ARHGEF38: variants seen among roughly 807,000 people sequenced by gnomAD.
ARHGEF38 encodes Rho guanine nucleotide exchange factor (GEF) 38.
Under a neutral mutation model 79.9 loss-of-function variants are expected in ARHGEF38, and 79 were observed. The observed-to-expected ratio is 0.99, with a 90% CI of 0.82 to 1.19. The LOEUF (loss-of-function observed/expected upper bound fraction) is 1.19. Among genes scored for constraint, ARHGEF38 ranks in the 50% most tolerant of loss-of-function variants. The pLI, the probability that ARHGEF38 is intolerant of heterozygous loss-of-function variation, is 0.00. For synonymous variants in ARHGEF38, 366 were observed against 328.3 expected (o/e 1.11, Z -1.24); for missense variants, 962 against 907.2 (o/e 1.06, Z -0.78).
chr4:105,569,635 G>A (rs1726118228), intron 1 of ARHGEF38, among the ~76,000 whole-genome samples: 1 of 152,160 alleles, frequency 6.6e-6, no homozygotes, highest in Non-Finnish European at 1.5e-5. Flanking sequence ...TCCTAGCAGT[G>A]AGCAGTGGTT....
intron 4 of ARHGEF38, among the ~76,000 whole-genome samples, chr4:105,634,018 G>A (rs1399232174): frequency 1.3e-5 from 2 of 152,106 alleles, no homozygotes; most frequent in South Asian, 2.1e-4. Context: ...CTTTCATAAC[G>A]TGAGGGCAGT....
At chr4:105,660,454 G>T (rs28602238) in intron 10 of ARHGEF38, among the ~76,000 whole-genome samples, 1,534 of 150,292 alleles carry the variant, frequency 0.01, 32 homozygotes, top group African/African-American at 0.035. Flanking sequence ...TTTTTGGTGG[G>T]GGGGGATGGA....
At chr4:105,670,145 C>A (rs916025541) in intron 13 of ARHGEF38, among the ~76,000 whole-genome samples, 6 of 151,976 alleles carry the variant, frequency 3.9e-5, no homozygotes, top group Admixed American at 2.6e-4. Flanking sequence ...GAGTAGATAC[C>A]CAGAAGTGTA....
intron 5 of ARHGEF38, among the ~76,000 whole-genome samples, chr4:105,641,938 A>G (rs1301959651): frequency 6.6e-6 from 1 of 152,170 alleles, no homozygotes; most frequent in African/African-American, 2.4e-5. Context: ...TTGCCAAAGT[A>G]TTTATGATAA....
At chr4:105,666,784 ATTTAC>A (rs1339235036) in intron 11 of ARHGEF38, among the ~76,000 whole-genome samples, 2 of 152,160 alleles carry the variant, frequency 1.3e-5, no homozygotes, top group Non-Finnish European at 2.9e-5. Flanking sequence ...TACATGTACA[ATTTAC>A]TTAGCTGAAT....
chr4:105,569,584 G>A (rs1726115206), intron 1 of ARHGEF38, among the ~76,000 whole-genome samples: 1 of 152,162 alleles, frequency 6.6e-6, no homozygotes, highest in African/African-American at 2.4e-5. Context: ...GTCAGACATT[G>A]AATTAAGCAA....
rs1022906106 is a variant in ARHGEF38 at position 105,679,351 on chromosome 4, T to G, written c.*1414T>G. The stretch of plus-strand genomic sequence containing the variant: ...GGAGGAATATCAAAGCAAACACCCA[T>G]ATTTCCTTTCAGGAGGCACACTCTG... On this transcript the variant is annotated 3_prime_UTR_variant, in exon 14 of 14. Coordinates refer to ENST00000420470, the MANE Select transcript of ARHGEF38 (RefSeq NM_001242729.2). 3.6e-5 allele frequency: 38 copies of G among 1,058,790 alleles called. No homozygotes were observed. Among genetic ancestry groups the G allele is most frequent in the Non-Finnish European group, 5.1e-5 (35 of 682,490 alleles). The allele number at this position is 1,058,790 out of a possible 1,614,324, so 65.6% of individuals were successfully genotyped here.
At chr4:105,655,769 T>C in intron 9 of ARHGEF38, 47 bp downstream of exon 9, 1 of 1,502,510 alleles carries the variant, frequency 6.7e-7, no homozygotes. Flanking sequence ...ATAGTGAGGT[T>C]GAAAGGAAAG....
chr4:105,606,315 G>A (rs1456946393), intron 2 of ARHGEF38, among the ~76,000 whole-genome samples: 2 of 152,116 alleles, frequency 1.3e-5, no homozygotes, highest in East Asian at 3.9e-4. Context: ...ACCCTTGAAA[G>A]CAGTGCTGTT....
At position 105,663,484 on chromosome 4, in the gene ARHGEF38, T is replaced by TG. The variant is rs200808815; in HGVS notation, c.1546-2692dup. Among the ~76,000 whole-genome samples the TG allele has an allele frequency of 2.2e-3, 330 of 152,286 alleles. 2 individuals carry two copies. Among genetic ancestry groups the TG allele is most frequent in the African/African-American group, 7.4e-3 (308 of 41,566 alleles). On this transcript the variant is annotated intron_variant, in intron 10 of 13. Transcript: ENST00000420470. The stretch of plus-strand genomic sequence containing the variant: ...CCCATACTCCCCTCCCCCAAGTCCC[T>TG]GCAACCATCATTCTATTTTCTGTTT...
At chr4:105,612,727 T>C (rs1217939698) in intron 2 of ARHGEF38, among the ~76,000 whole-genome samples, 1 of 152,168 alleles carries the variant, frequency 6.6e-6, no homozygotes, top group Non-Finnish European at 1.5e-5. Flanking sequence ...TAATTCTTGG[T>C]ACATAGAAGC....
At chr4:105,559,499 C>T (rs1304620353) in intron 1 of ARHGEF38, among the ~76,000 whole-genome samples, 1 of 152,022 alleles carries the variant, frequency 6.6e-6, no homozygotes, top group Non-Finnish European at 1.5e-5. Flanking sequence ...ATTCAAGCCT[C>T]AAGATTAGGT....
downstream of ARHGEF38, among the ~76,000 whole-genome samples, chr4:105,681,290 A>G (rs1731302699): frequency 7.4e-6 from 1 of 134,614 alleles, no homozygotes; most frequent in African/African-American, 2.5e-5. Flanking sequence ...TCTTTCCTTA[A>G]AAAAAAAAAG....
chr4:105,607,337 A>G (rs1223425077), intron 2 of ARHGEF38, among the ~76,000 whole-genome samples: 1 of 152,134 alleles, frequency 6.6e-6, no homozygotes, highest in Non-Finnish European at 1.5e-5. Context: ...TGATCTTTGC[A>G]TGCTTATTAT....
At chr4:105,644,162 C>T (rs1316681874) in intron 5 of ARHGEF38, among the ~76,000 whole-genome samples, 1 of 152,158 alleles carries the variant, frequency 6.6e-6, no homozygotes, top group African/African-American at 2.4e-5. Context: ...ACCACTGTGC[C>T]TGGCCCCCGA....
At chr4:105,598,146 A>G (rs367806400) in intron 2 of ARHGEF38, among the ~76,000 whole-genome samples, 4 of 152,150 alleles carry the variant, frequency 2.6e-5, no homozygotes, top group African/African-American at 7.2e-5. Context: ...TTCTCACGCT[A>G]TGCTTGAAAC....
chr4:105,560,330 G>A (rs573576195), intron 1 of ARHGEF38, among the ~76,000 whole-genome samples: 2 of 152,176 alleles, frequency 1.3e-5, no homozygotes, highest in South Asian at 4.1e-4. Flanking sequence ...GCTTCATTGC[G>A]TATCTTGACA....
intron 2 of ARHGEF38, among the ~76,000 whole-genome samples, chr4:105,595,893 G>C (rs142807702): frequency 1.9e-3 from 294 of 152,258 alleles, no homozygotes; most frequent in African/African-American, 5.6e-3. Context: ...TGATTCCATA[G>C]ACATGGAACT....
At chr4:105,559,529 G>T (rs928516773) in intron 1 of ARHGEF38, among the ~76,000 whole-genome samples, 1 of 150,860 alleles carries the variant, frequency 6.6e-6, no homozygotes, top group African/African-American at 2.4e-5. Flanking sequence ...TGTGTCCCAT[G>T]GTCCCCTGCC....
Sources: gnomAD v4.1 joint callset for allele counts (sites outside exome capture counted in the v4.1 genomes callset) on GRCh38, gnomAD v4.1.1 for gene constraint, MANE v1.5 for transcripts, NCBI Gene and HGNC (gene_info 2026-07-23, HGNC 2026-07-21) for gene names.